OSBP2: variants seen among roughly 807,000 people sequenced by gnomAD.
OSBP2 encodes the protein oxysterol binding protein 2.
In OSBP2, 66 loss-of-function variants were observed where a neutral mutation model predicts 96.0. The ratio of observed to expected loss-of-function variants is 0.69; its 90% CI spans 0.56 to 0.84. OSBP2 has a LOEUF of 0.84. Ranked by LOEUF, OSBP2 falls within the 40% of genes least tolerant of loss-of-function variation. The probability of loss-of-function intolerance (pLI) is 0.00; values close to 1 mark genes in which losing one functional copy is unlikely to be tolerated. For synonymous variants in OSBP2, 525 were observed against 520.9 expected, an observed-to-expected ratio of 1.01 and a Z score of -0.11; for missense variants, 1,038 against 1,222.7, an observed-to-expected ratio of 0.85 and a Z score of 2.25.
In OSBP2 at chr22:30,742,117, G is replaced by A. The variant is rs200918333; in HGVS notation, c.853+748G>A. Among the ~76,000 whole-genome samples the A allele has an allele frequency of 4.9e-4, 74 of 151,226 alleles. No individual in the cohort carries two copies. The East Asian group carries it at 8.4e-3, about 17-fold the overall frequency. ...TTACAGGCATGAGCCACCGCGCCCG[G>A]CCAATAAATTTATTTTTTAAATATG... On this transcript the variant is annotated intron_variant, in intron 2 of 13. Transcript: ENST00000332585.
chr22:30,773,163 C>T (rs1023887390), intron 2 of OSBP2: 1 of 143,932 alleles, frequency 6.9e-6, no homozygotes, highest in African/African-American at 2.7e-5. Context: ...AGTACAATGT[C>T]ATGATCTTGG....
rs201695346 is a variant in OSBP2, at chr22:30,695,141, C to A, written c.232C>A (p.Pro78Thr). Residue 78 changes from proline (P) to threonine (T), a missense_variant, in exon 1 of 14, where the codon CCA (proline) becomes ACA (threonine). Around this residue, in one of 3 missense-constraint regions of OSBP2, gnomAD observed 281 missense variants for 273.4 expected, o/e 1.03. Coordinates refer to ENST00000332585, the MANE Select transcript of OSBP2 (RefSeq NM_030758.4). ...GTCGGAGGCAGTTTCGGAGGCAGTG[C>A]CAAGATCGGAACCTGTGTCCGAGAC... Reference protein sequence around the residue: ...QVSEAVSEAVPRSEPVSETTS... With the variant: ...QVSEAVSEAVTRSEPVSETTS... 4 of 1,604,644 alleles carry A rather than the reference C, an allele frequency of 2.5e-6. No homozygotes were observed. Among genetic ancestry groups the A allele is most frequent in the Non-Finnish European group, 3.4e-6 (4 of 1,174,680 alleles).
At position 30,867,546 on chromosome 22, in the gene OSBP2, C is replaced by T. The variant is rs118155294; in HGVS notation, c.854-2883C>T. ...GATCTCTCTGTCCCTTTGAGGGGAC[C>T]TCTCCCTGCCTGTCTCTGCAGAACA... is the stretch of plus-strand genomic sequence containing the variant. On this transcript the variant is annotated intron_variant, in intron 2 of 13. Transcript: ENST00000332585. 6.1e-3 allele frequency among the ~76,000 whole-genome samples: 923 copies of T among 152,304 alleles called. 6 individuals carry two copies. The highest frequency in any genetic ancestry group is 0.01 in the Non-Finnish European group (714 of 68,028).
intron 2 of OSBP2, among the ~76,000 whole-genome samples, chr22:30,785,187 C>T (rs2090569383): frequency 6.6e-6 from 1 of 152,262 alleles, no homozygotes; most frequent in Admixed American, 6.5e-5. Flanking sequence ...TTTGGTATTA[C>T]ATTTTAATTG....
intron 1 of OSBP2, among the ~76,000 whole-genome samples, chr22:30,707,601 C>T (rs1422305706): frequency 1.3e-5 from 2 of 151,316 alleles, no homozygotes; most frequent in East Asian, 4.1e-4. Flanking sequence ...CCTGTAGTCC[C>T]AGCTACTCGG....
At position 30,893,249 on chromosome 22, in the gene OSBP2, T is replaced by C; in HGVS notation, c.1990+7T>C. The stretch of plus-strand genomic sequence containing the variant: ...ATCTCCATCATGCCGCTAGGTGAGC[T>C]GGGGCCCGGTGCCTTCCTGGGACAC... On this transcript the variant is annotated splice_region_variant and intron_variant, in intron 9 of 13. Transcript: ENST00000332585. The C allele has an allele frequency of 6.2e-7, 1 of 1,614,008 alleles. No homozygotes were observed.
At position 30,858,216 on chromosome 22, in the gene OSBP2, G is replaced by C. The variant is rs948173295; in HGVS notation, c.854-12213G>C. Reference sequence around the variant, plus strand: ...CTGCGGACTGCAGTGGCGCAATCTCGGCTCACTGCAAGCTCCGCTTCCCGG... The same window carrying C: ...CTGCGGACTGCAGTGGCGCAATCTCCGCTCACTGCAAGCTCCGCTTCCCGG... On this transcript the variant is annotated intron_variant, in intron 2 of 13. Transcript: ENST00000332585. Among the ~76,000 whole-genome samples the C allele has an allele frequency of 2.7e-5, 4 of 148,212 alleles. No homozygotes were observed. The South Asian group carries it at 6.5e-4, about 24-fold the overall frequency.
At chr22:30,878,251 C>T (rs532101188) in intron 3 of OSBP2, among the ~76,000 whole-genome samples, 1 of 152,244 alleles carries the variant, frequency 6.6e-6, no homozygotes, top group Non-Finnish European at 1.5e-5. Context: ...AATGATCCCA[C>T]GTGCATTTTA....
At position 30,748,673 on chromosome 22, in the gene OSBP2, T is replaced by A. The variant is rs536638304; in HGVS notation, c.853+7304T>A. Among the ~76,000 whole-genome samples, 49 of 152,264 alleles carry A rather than the reference T, an allele frequency of 3.2e-4. 1 individual carries two copies. In the South Asian group the frequency reaches 1.0e-2, roughly 31 times the overall value. On this transcript the variant is annotated intron_variant, in intron 2 of 13. Coordinates refer to ENST00000332585, the MANE Select transcript of OSBP2 (RefSeq NM_030758.4). ...ACCAGAAAAGGGGTCTGGTCCCAGA[T>A]CCCAAGAGTGGGTTCTTGAATCTGT...
intron 1 of OSBP2, among the ~76,000 whole-genome samples, chr22:30,727,119 T>C (rs55765123): frequency 0.13 from 19,913 of 152,196 alleles, 2,017 homozygotes; most frequent in East Asian, 0.39. Context: ...AGGTACCATC[T>C]CTACTTTTCC....
intron 2 of OSBP2, among the ~76,000 whole-genome samples, chr22:30,784,489 G>C (rs1461127233): frequency 6.6e-6 from 1 of 151,698 alleles, no homozygotes; most frequent in Non-Finnish European, 1.5e-5. Context: ...AAAGTCCTGG[G>C]CTCAAGTGAT....
At chr22:30,895,622 T>C (rs1182769406) in intron 12 of OSBP2, among the ~76,000 whole-genome samples, 5 of 152,160 alleles carry the variant, frequency 3.3e-5, no homozygotes, top group Non-Finnish European at 5.9e-5. Flanking sequence ...CTCGGAAGTT[T>C]TGCCACACAA....
intron 1 of OSBP2, among the ~76,000 whole-genome samples, chr22:30,724,334 C>G (rs2089605798): frequency 6.6e-6 from 1 of 152,210 alleles, no homozygotes. Context: ...TCTCCTGCCT[C>G]AGCCTCCTGG....
chr22:30,834,014 C>T (rs776778183), intron 2 of OSBP2, among the ~76,000 whole-genome samples: 1 of 152,132 alleles, frequency 6.6e-6, no homozygotes, highest in Non-Finnish European at 1.5e-5. Flanking sequence ...TACTTGATCA[C>T]CATTTATCCT....
chr22:30,863,174 G>C (rs2147092221), intron 2 of OSBP2, among the ~76,000 whole-genome samples: 1 of 152,180 alleles, frequency 6.6e-6, no homozygotes, highest in East Asian at 1.9e-4. Context: ...GACGTTGCTT[G>C]ATATCCCCCA....
intron 2 of OSBP2, among the ~76,000 whole-genome samples, chr22:30,780,664 A>C (rs892571040): frequency 1.3e-5 from 2 of 151,860 alleles, no homozygotes; most frequent in African/African-American, 4.8e-5. Flanking sequence ...CACCTGGCTA[A>C]TTTTTATATT....
intron 2 of OSBP2, among the ~76,000 whole-genome samples, chr22:30,768,885 T>A (rs1358889888): frequency 6.6e-6 from 1 of 152,210 alleles, no homozygotes; most frequent in East Asian, 1.9e-4. Context: ...TCTGTAGGCA[T>A]GAGCACCGGA....
chr22:30,705,009 G>A (rs878882644), intron 1 of OSBP2, among the ~76,000 whole-genome samples: 9 of 152,340 alleles, frequency 5.9e-5, no homozygotes, highest in African/African-American at 2.2e-4. Flanking sequence ...CAAGGAGAGT[G>A]AGTGCCCATA....
At chr22:30,764,811 C>T (rs2090250704) in intron 2 of OSBP2, among the ~76,000 whole-genome samples, 1 of 152,168 alleles carries the variant, frequency 6.6e-6, no homozygotes, top group Non-Finnish European at 1.5e-5. Context: ...GAAGCCCCAT[C>T]CTCCCAGCTG....
Sources: allele counts gnomAD v4.1 joint callset (sites outside exome capture counted in the v4.1 genomes callset), GRCh38; gene constraint gnomAD v4.1.1; regional missense constraint gnomAD v4.1.1; transcripts MANE v1.5; gene names NCBI Gene and HGNC (gene_info 2026-07-23, HGNC 2026-07-21).